Variants in EPHB2 observed in about 807,000 individuals in gnomAD.
EPHB2 encodes the protein EPH receptor B2.
A neutral mutation model predicts 96.4 loss-of-function variants in EPHB2; 18 were observed. The observed-to-expected ratio is 0.19, with a 90% confidence interval of 0.13 to 0.28. EPHB2 has a LOEUF of 0.28. EPHB2 is among the 10% of genes least tolerant of loss of function. EPHB2 has a pLI of 1.00. For missense variants in EPHB2, 989 were observed against 1,355.4 expected, an observed-to-expected ratio of 0.73 and a Z score of 4.25; for synonymous variants, 506 against 534.1, an observed-to-expected ratio of 0.95 and a Z score of 0.72.
rs543651225 is a variant in EPHB2 at position 22,892,937 on chromosome 1, C to A, written c.1482C>A (p.Thr494=). ...TAIKSPTNTV[T]VQGLKAGAIY... ...TAAAAAGCCCCACCAACACGGTCACCGTGCAGGGCCTCAAAGCCGGCGCCA... is the reference window on the plus strand; with the variant it reads ...TAAAAAGCCCCACCAACACGGTCACAGTGCAGGGCCTCAAAGCCGGCGCCA... Residue 494 remains threonine (T), a synonymous_variant, in exon 7 of 16, where the codon ACC becomes ACA. Coordinates refer to ENST00000374630, the MANE Select transcript of EPHB2 (RefSeq NM_017449.5). 2 of 1,614,220 alleles carry A rather than the reference C, an allele frequency of 1.2e-6. No individual in the cohort carries two copies. Among genetic ancestry groups the A allele is most frequent in the African/African-American group, 2.7e-5 (2 of 75,060 alleles).
At chr1:22,876,443 G>C (rs539269791) in intron 5 of EPHB2, among the ~76,000 whole-genome samples, 247 of 152,230 alleles carry the variant, frequency 1.6e-3, no homozygotes, top group Non-Finnish European at 2.7e-3. Context: ...CCTTCCCCAA[G>C]TCTCAGCCAA....
chr1:22,838,700 G>A (rs538503833), intron 3 of EPHB2, among the ~76,000 whole-genome samples: 7 of 152,148 alleles, frequency 4.6e-5, no homozygotes, highest in Non-Finnish European at 7.3e-5. Flanking sequence ...AGGCCGAGGC[G>A]GATGGATCAC....
chr1:22,765,517 G>A (rs199757071), intron 1 of EPHB2, among the ~76,000 whole-genome samples: 91 of 140,132 alleles, frequency 6.5e-4, no homozygotes, highest in African/African-American at 2.1e-3. Flanking sequence ...ACTGCACTCC[G>A]GCCTGGGTGA....
In EPHB2 at chr1:22,913,695, G is replaced by T; in HGVS notation, c.*125G>T. ...GCCAGGAGGCCACGGGCCACGGGAA[G>T]AACCAAGCGGTGCCAGCCACGAGAC... On this transcript the variant is annotated 3_prime_UTR_variant, in exon 16 of 16. Coordinates refer to ENST00000374630, the MANE Select transcript of EPHB2 (RefSeq NM_017449.5). The surrounding 1 kb of genome is among the most constrained non-coding windows in gnomAD (Gnocchi z 4.1). 1 of 1,602,846 alleles carries T rather than the reference G, an allele frequency of 6.2e-7. No individual in the cohort carries two copies. Among genetic ancestry groups the T allele is most frequent in the Non-Finnish European group, 8.5e-7 (1 of 1,174,942 alleles).
intron 3 of EPHB2, among the ~76,000 whole-genome samples, chr1:22,853,055 A>G (rs1238278577): frequency 6.6e-6 from 1 of 152,250 alleles, no homozygotes; most frequent in Non-Finnish European, 1.5e-5. Flanking sequence ...CTTAAGCACA[A>G]GATTCCGCCT....
intron 1 of EPHB2, among the ~76,000 whole-genome samples, chr1:22,772,214 G>A (rs1054732985): frequency 9.9e-5 from 15 of 152,192 alleles, no homozygotes; most frequent in African/African-American, 2.9e-4. Flanking sequence ...AGGCTGGCCC[G>A]GAGGATTGGG....
chr1:22,744,967 C>T (rs1366862242), intron 1 of EPHB2, among the ~76,000 whole-genome samples: 1 of 152,192 alleles, frequency 6.6e-6, no homozygotes, highest in African/African-American at 2.4e-5. Context: ...TCACGTTGAG[C>T]AGGCTGAGGA....
intron 3 of EPHB2, among the ~76,000 whole-genome samples, chr1:22,803,352 A>G (rs1235791539): frequency 6.6e-6 from 1 of 152,080 alleles, no homozygotes; most frequent in Non-Finnish European, 1.5e-5. Context: ...CACACCTGTA[A>G]TCTCAGCACT....
intron 3 of EPHB2, among the ~76,000 whole-genome samples, chr1:22,854,738 C>T (rs1645674747): frequency 6.6e-6 from 1 of 152,036 alleles, no homozygotes; most frequent in Admixed American, 6.5e-5. Context: ...CTTAGAAGCA[C>T]CTCCTCTCCA....
At chr1:22,889,525 G>T (rs1435902510) in intron 6 of EPHB2, among the ~76,000 whole-genome samples, 1 of 152,298 alleles carries the variant, frequency 6.6e-6, no homozygotes. Context: ...AAACCTGGGG[G>T]GATCCAGAGA....
At chr1:22,794,938 G>T (rs1262322601) in intron 3 of EPHB2, among the ~76,000 whole-genome samples, 5 of 152,236 alleles carry the variant, frequency 3.3e-5, no homozygotes, top group African/African-American at 9.6e-5. Context: ...GGAAGTTTAT[G>T]CATTTAACAG....
intron 9 of EPHB2, among the ~76,000 whole-genome samples, chr1:22,905,499 GAGACAAGGAGGAGCTCTCCTTAGC>G (rs1435653580): frequency 6.6e-6 from 1 of 152,136 alleles, no homozygotes; most frequent in African/African-American, 2.4e-5. Context: ...TAGGCCTGGA[GAGACAAGGAGGAGCTCTCCTTAGC>G]AGAACCCCAA....
At chr1:22,884,138 G>A (rs543445401) in intron 6 of EPHB2, among the ~76,000 whole-genome samples, 102 of 152,322 alleles carry the variant, frequency 6.7e-4, no homozygotes, top group Admixed American at 1.4e-3. Context: ...TGTGTCTCCC[G>A]CAGGGGACCA....
At chr1:22,810,249 G>A (rs7555910) in intron 3 of EPHB2, among the ~76,000 whole-genome samples, 129,919 of 152,134 alleles carry the variant, frequency 0.85, 59,151 homozygotes, top group East Asian at 1. Flanking sequence ...ATGATCCTAC[G>A]GCAGGAAGGG....
At chr1:22,813,435 G>A (rs895784077) in intron 3 of EPHB2, among the ~76,000 whole-genome samples, 2 of 152,182 alleles carry the variant, frequency 1.3e-5, no homozygotes, top group Non-Finnish European at 2.9e-5. Context: ...CTGAGGGTGG[G>A]GAAAAAAGCT....
chr1:22,827,185 C>T (rs887126797), intron 3 of EPHB2, among the ~76,000 whole-genome samples: 2 of 152,232 alleles, frequency 1.3e-5, no homozygotes, highest in African/African-American at 4.8e-5. Context: ...CAGCTCAGAC[C>T]AGGCCACCTG....
In EPHB2 at chr1:22,919,984, A is replaced by G. The variant is rs1268711074; in HGVS notation, c.*6414A>G. The G allele has an allele frequency of 6.6e-6, 1 of 152,136 alleles. No homozygotes were observed. The highest frequency in any genetic ancestry group is 2.4e-5 in the African/African-American group (1 of 41,426). The allele number at this position is 152,136 out of a possible 1,614,324, so 9.4% of individuals were successfully genotyped here. On this transcript the variant is annotated 3_prime_UTR_variant, in exon 16 of 16. Transcript: ENST00000374630. Reference sequence around the variant, plus strand: ...CTAGCATTTTTTTAAAAGCACAAAAAAAAAAGAGCAAGAAAGAGAGAAAGA... The same window carrying G: ...CTAGCATTTTTTTAAAAGCACAAAAGAAAAAGAGCAAGAAAGAGAGAAAGA...
At chr1:22,840,069 GTGGATGGA>G (rs575160867) in intron 3 of EPHB2, among the ~76,000 whole-genome samples, 2 of 152,128 alleles carry the variant, frequency 1.3e-5, no homozygotes, top group Admixed American at 6.5e-5. Flanking sequence ...GGACGGATAT[GTGGATGGA>G]TGGATGGATG....
chr1:22,913,575 C>G lies in EPHB2; in HGVS notation c.*5C>G, dbSNP rs759663201. 1.2e-6 allele frequency: 2 copies of G among 1,614,114 alleles called. No individual in the cohort carries two copies. Among genetic ancestry groups the G allele is most frequent in the Non-Finnish European group, 1.7e-6 (2 of 1,180,008 alleles). The stretch of plus-strand genomic sequence containing the variant: ...ATTCAGTCTGTGGAGGTTTGACATT[C>G]ACCTGCCTCGGCTCACCTCTTCCTC... On this transcript the variant is annotated 3_prime_UTR_variant, in exon 16 of 16. Coordinates refer to ENST00000374630, the MANE Select transcript of EPHB2 (RefSeq NM_017449.5). The surrounding 1 kb of genome is among the most constrained non-coding windows in gnomAD (Gnocchi z 4.1).
Sources: allele counts gnomAD v4.1 joint callset (sites outside exome capture counted in the v4.1 genomes callset), GRCh38; gene constraint gnomAD v4.1.1; non-coding constraint Gnocchi (gnomAD v3.1); transcripts MANE v1.5; gene names NCBI Gene and HGNC (gene_info 2026-07-23, HGNC 2026-07-21).